Variants in MIB2 observed in about 807,000 individuals in gnomAD.
MIB2 encodes MIB E3 ubiquitin protein ligase 2, also known as E3 ubiquitin-protein ligase MIB2.
A neutral mutation model predicts 96.6 loss-of-function variants in MIB2; 78 were observed. The observed-to-expected ratio is 0.81, with a 90% CI of 0.67 to 0.97. MIB2 has a LOEUF of 0.97. MIB2 is among the 50% of genes least tolerant of loss of function. The pLI is 0.00. For missense variants in MIB2, 1,543 were observed against 1,424.0 expected (o/e 1.08, Z -1.35); for synonymous variants, 820 against 629.5 (o/e 1.30, Z -4.53).
In MIB2 at chr1:1,626,765, CT is replaced by C; in HGVS notation, c.1077+12del. The C allele has an allele frequency of 6.4e-7, 1 of 1,556,968 alleles. No homozygotes were observed. On this transcript the variant is annotated intron_variant, in intron 9 of 19. Coordinates refer to ENST00000355826, the MANE Select transcript of MIB2 (RefSeq NM_001170687.4). This position sits in a 1 kb window ranked among gnomAD's most constrained non-coding sequence, Gnocchi z 5.3. ...GACGACATGGCCCCTGTGAGTCCCC[CT>C]GCCACCCCCGCCGCTAGCGCCGCTG...
chr1:1,629,649 C>A lies in MIB2; in HGVS notation c.2574C>A (p.Arg858=). ...CTCTCCTCTTCGCAGAGTGCGCGCG[C>A]AGGATGAAGAAGTGCATCAGGTGCC... ...QHRTVCEECA[R]RMKKCIRCQV... is the part of the protein sequence containing the mutation. The change falls in exon 19 of 20, where the codon CGC becomes CGA. Residue 858 remains arginine, a synonymous_variant. Transcript: ENST00000355826. 6.3e-7 allele frequency: 1 copy of A among 1,596,958 alleles called. No individual in the cohort carries two copies. Among genetic ancestry groups the A allele is most frequent in the Non-Finnish European group, 8.5e-7 (1 of 1,171,756 alleles).
In MIB2 at chr1:1,630,493, G is replaced by C; in HGVS notation, c.2831G>C (p.Arg944Pro). Residue 944 changes from arginine (R) to proline (P), a missense_variant, in exon 20 of 20, where the codon CGC becomes CCC. Transcript: ENST00000355826. Reference protein sequence around the residue: ...GSALSACPICRQPIRDRIQIF... With the variant: ...GSALSACPICPQPIRDRIQIF... ...GCGCTCAGCGCCTGCCCCATCTGCCGCCAGCCCATCCGCGACCGCATCCAG... is the reference window on the plus strand; with the variant it reads ...GCGCTCAGCGCCTGCCCCATCTGCCCCCAGCCCATCCGCGACCGCATCCAG... 1 of 1,592,900 alleles carries C rather than the reference G, an allele frequency of 6.3e-7. No homozygotes were observed. The highest frequency in any genetic ancestry group is 8.5e-7 in the Non-Finnish European group (1 of 1,175,032).
chr1:1,623,848 G>A lies in MIB2; in HGVS notation c.322G>A (p.Val108Met). The A allele has an allele frequency of 1.9e-6, 3 of 1,611,542 alleles. No individual in the cohort carries two copies. The highest frequency in any genetic ancestry group is 2.2e-5 in the East Asian group (1 of 44,820). The change falls in exon 4 of 20, where the codon GTG becomes ATG. Residue 108 changes from valine (V) to methionine (M), a missense_variant. Coordinates refer to ENST00000355826, the MANE Select transcript of MIB2 (RefSeq NM_001170687.4). ...GCGGGGGATGCGCTGGAAGTGCCGT[G>A]TGTGCCTGGACTACGACCTCTGCAC... ...GLRGMRWKCR[V>M]CLDYDLCTQC...
At position 1,623,485 on chromosome 1, in the gene MIB2, G is replaced by T; in HGVS notation, c.33G>T (p.Val11=). The part of the protein sequence containing the change: MDPDPQAGVQ[V]GMRVVRGVDW... ...CAGACCCCCAGGCGGGCGTGCAGGTGGGCATGCGGGTGGTGCGCGGCGTGG... is the reference window on the plus strand; with the variant it reads ...CAGACCCCCAGGCGGGCGTGCAGGTTGGCATGCGGGTGGTGCGCGGCGTGG... Residue 11 remains valine (V), a synonymous_variant, in exon 3 of 20, where the codon GTG becomes GTT. Transcript: ENST00000355826. 1 of 1,582,198 alleles carries T rather than the reference G, an allele frequency of 6.3e-7. No individual in the cohort carries two copies. Among genetic ancestry groups the T allele is most frequent in the Middle Eastern group, 1.9e-4 (1 of 5,204 alleles).
intron 1 of MIB2, chr1:1,616,258 G>A: frequency 2.4e-6 from 1 of 413,088 alleles, no homozygotes; most frequent in Non-Finnish European, 3.5e-6. Context: ...GCCCGTGCGC[G>A]TCCCGGAGCC....
upstream of MIB2, chr1:1,615,214 AC>A (rs961349807): frequency 6.0e-6 from 4 of 670,012 alleles, no homozygotes; most frequent in Non-Finnish European, 9.2e-6. Context: ...TAGGGCCCGC[AC>A]TGGTGGAGTC....
intron 2 of MIB2, among the ~76,000 whole-genome samples, chr1:1,622,262 T>G (rs1197047724): frequency 6.6e-6 from 1 of 152,182 alleles, no homozygotes; most frequent in African/African-American, 2.4e-5. Flanking sequence ...GTGGTGGCCC[T>G]CCCCTCCCCG....
At position 1,630,334 on chromosome 1, in the gene MIB2, C is replaced by G. The variant is rs879374257; in HGVS notation, c.2672C>G (p.Pro891Arg). 5 of 1,535,178 alleles carry G rather than the reference C, an allele frequency of 3.3e-6. No individual in the cohort carries two copies. The highest frequency in any genetic ancestry group is 4.4e-6 in the Non-Finnish European group (5 of 1,143,838). The change falls in exon 20 of 20, where the codon CCG becomes CGG. Residue 891 changes from proline to arginine, a missense_variant. Transcript: ENST00000355826. ...AGCGCCGCCCCCGCCCCCGGCCCGC[C>G]GCGCCAGCTGGTGGAGGAGCTGCAG... Reference protein sequence around the residue: ...VASAAPAPGPPRQLVEELQSR... With the variant: ...VASAAPAPGPRRQLVEELQSR...
Position 1,615,555 on chromosome 1 carries a change from G to A in MIB2, c.-208G>A, listed in dbSNP as rs767032776. The A allele has an allele frequency of 1.6e-5, 25 of 1,537,236 alleles. No individual in the cohort carries two copies. Among genetic ancestry groups the A allele is most frequent in the Non-Finnish European group, 2.0e-5 (23 of 1,146,304 alleles). On this transcript the variant is annotated 5_prime_UTR_variant, in exon 1 of 20. Coordinates refer to ENST00000355826, the MANE Select transcript of MIB2 (RefSeq NM_001170687.4). The stretch of plus-strand genomic sequence containing the variant: ...GCTCTCCTCAGTGCCCGGTGGCCCA[G>A]GAGGGCCTGGGAGCCCGAAGCCGTC...
At chr1:1,619,954 G>C (rs1337917803) in intron 2 of MIB2, among the ~76,000 whole-genome samples, 1 of 152,228 alleles carries the variant, frequency 6.6e-6, no homozygotes, top group East Asian at 1.9e-4. Flanking sequence ...TGGGGCACAG[G>C]CTACCCTGTC....
chr1:1,625,599 C>G lies in MIB2; in HGVS notation c.918C>G (p.Arg306=). 1.3e-6 allele frequency: 2 copies of G among 1,582,538 alleles called. 1 individual carries two copies. Among genetic ancestry groups the G allele is most frequent in the Non-Finnish European group, 1.7e-6 (2 of 1,165,014 alleles). Residue 306 remains arginine (R), a synonymous_variant, in exon 8 of 20, where the codon CGC becomes CGG. Coordinates refer to ENST00000355826, the MANE Select transcript of MIB2 (RefSeq NM_001170687.4). This position sits in a 1 kb window ranked among gnomAD's most constrained non-coding sequence, Gnocchi z 5.0. ...GTATCACGGACCGCGGGGACGTGCG[C>G]GTGCAGTTCAACCACGAGACGCGCT... ...VHRITDRGDV[R]VQFNHETRWT... is the part of the protein sequence containing the mutation.
intron 4 of MIB2, 177 bp from the exon 5 acceptor site, chr1:1,624,618 C>T (rs1644564786): frequency 7.4e-6 from 5 of 679,494 alleles, no homozygotes; most frequent in South Asian, 3.3e-5. Context: ...TTCCTCACAG[C>T]GTGTGGAGGA....
intron 19 of MIB2, among the ~76,000 whole-genome samples, chr1:1,629,968 C>T (rs375867960): frequency 2.5e-4 from 37 of 149,438 alleles, no homozygotes; most frequent in East Asian, 1.8e-3. Context: ...CGGCCCCTCC[C>T]AGATCACACT....
At chr1:1,616,933 G>A (rs1643779514) in intron 2 of MIB2, 3 of 302,192 alleles carry the variant, frequency 9.9e-6, no homozygotes, top group Admixed American at 5.8e-5. Flanking sequence ...CATGCAACAA[G>A]TGTCTGAATG....
At chr1:1,627,604 G>C in intron 12 of MIB2, 69 bp from the exon 13 acceptor site, 3 of 1,525,768 alleles carry the variant, frequency 2.0e-6, no homozygotes, top group Non-Finnish European at 2.6e-6. Flanking sequence ...GTCGGGCCTG[G>C]CGGGGCTGAG....
rs768014345 is a variant in MIB2, at chr1:1,627,216, C to T, written c.1374+9C>T. ...GGAGGCGCCCAGAGCAGGCAAGCTC[C>T]TGACCCCGTCCTCCCATACTGGCCA... On this transcript the variant is annotated intron_variant, in intron 11 of 19. Transcript: ENST00000355826. 28 of 1,608,546 alleles carry T rather than the reference C, an allele frequency of 1.7e-5. No homozygotes were observed. The East Asian group carries it at 5.4e-4, about 31-fold the overall frequency.
upstream of MIB2, chr1:1,615,368 T>C (rs1198942906): frequency 2.1e-6 from 3 of 1,420,400 alleles, no homozygotes; most frequent in South Asian, 1.5e-5. Context: ...GCTCGGAACC[T>C]AGCTGCGCCA....
In MIB2 at chr1:1,629,303, G is replaced by A. The variant is rs753642470; in HGVS notation, c.2373G>A (p.Gln791=). ...TCAAGGCCCTTCAGGGCTGCGCCCA[G>A]CGCTTCCGGTGAGTCCGTGGACGGC... ...RVLKALQGCA[Q]RFRERQAGGG... Residue 791 remains glutamine (Q), a synonymous_variant, in exon 17 of 20, where the codon CAG becomes CAA. Transcript: ENST00000355826. The A allele has an allele frequency of 1.0e-5, 15 of 1,504,608 alleles. No homozygotes were observed. The South Asian group carries it at 1.9e-4, about 20-fold the overall frequency. The allele number at this position is 1,504,608 out of a possible 1,614,324, so 93.2% of individuals were successfully genotyped here.
chr1:1,624,851 A>G lies in MIB2; in HGVS notation c.476A>G (p.Gln159Arg). 6.2e-7 allele frequency: 1 copy of G among 1,613,126 alleles called. No homozygotes were observed. Among genetic ancestry groups the G allele is most frequent in the Non-Finnish European group, 8.5e-7 (1 of 1,179,988 alleles). Residue 159 changes from glutamine to arginine, a missense_variant, in exon 5 of 20, where the codon CAG becomes CGG. Coordinates refer to ENST00000355826, the MANE Select transcript of MIB2 (RefSeq NM_001170687.4). ...LPRIPLRGIF[Q>R]GAKVVRGPDW... ...AGGATCCCACTAAGGGGCATCTTCC[A>G]GGGAGCGAAGGTGGTGCGAGGCCCC...
Sources: gnomAD v4.1 joint callset for allele counts (sites outside exome capture counted in the v4.1 genomes callset) on GRCh38, gnomAD v4.1.1 for gene constraint, Gnocchi (gnomAD v3.1) non-coding constraint, MANE v1.5 for transcripts, NCBI Gene and HGNC (gene_info 2026-07-23, HGNC 2026-07-21) for gene names.